Variants in TRIM9 observed in about 807,000 individuals in gnomAD.
TRIM9 encodes the protein tripartite motif containing 9.
A neutral mutation model predicts 78.3 loss-of-function variants in TRIM9; 26 were observed. That is an observed-to-expected ratio of 0.33 (90% CI 0.24 to 0.46). The LOEUF is 0.46. TRIM9 is among the 20% of genes least tolerant of loss of function. The pLI is 1.00. For synonymous variants in TRIM9, 398 were observed against 416.5 expected, an observed-to-expected ratio of 0.96 and a Z score of 0.54; for missense variants, 787 against 1,036.4, an observed-to-expected ratio of 0.76 and a Z score of 3.30.
At chr14:50,987,980 T>C (rs545314501) in intron 7 of TRIM9, among the ~76,000 whole-genome samples, 1 of 152,190 alleles carries the variant, frequency 6.6e-6, no homozygotes, top group East Asian at 1.9e-4. Context: ...TTTCTATTTT[T>C]TGTAGAAATG....
chr14:51,029,601 T>C (rs1017200288), intron 1 of TRIM9, among the ~76,000 whole-genome samples: 1 of 151,156 alleles, frequency 6.6e-6, no homozygotes, highest in Non-Finnish European at 1.5e-5. Context: ...CTCAGTACAT[T>C]GCTGACATAG....
intron 1 of TRIM9, among the ~76,000 whole-genome samples, chr14:51,033,562 G>T (rs866290499): frequency 5.3e-5 from 8 of 152,222 alleles, no homozygotes; most frequent in Non-Finnish European, 1.0e-4. Flanking sequence ...TTTGTCACAT[G>T]ACTTGCAGTG....
intron 5 of TRIM9, among the ~76,000 whole-genome samples, chr14:51,001,767 G>A (rs190336776): frequency 1.3e-5 from 2 of 152,148 alleles, no homozygotes; most frequent in East Asian, 1.9e-4. Flanking sequence ...CAAAACTTCC[G>A]AGGAACCTGA....
intron 3 of TRIM9, among the ~76,000 whole-genome samples, chr14:51,016,946 T>C (rs1486409449): frequency 6.6e-6 from 1 of 152,242 alleles, no homozygotes. Flanking sequence ...TTGTTCTCCA[T>C]GCGTCCTTTT....
At chr14:50,997,266 T>G in intron 7 of TRIM9, 1 of 985,394 alleles carries the variant, frequency 1.0e-6, no homozygotes, top group South Asian at 4.7e-5. Context: ...AATTCAAGCC[T>G]CTCATCTGAG....
chr14:51,083,196 T>G (rs2063464398), intron 1 of TRIM9, among the ~76,000 whole-genome samples: 1 of 152,210 alleles, frequency 6.6e-6, no homozygotes, highest in Non-Finnish European at 1.5e-5. Flanking sequence ...TTTCTAATAC[T>G]TTTTGAAATA....
intron 3 of TRIM9, among the ~76,000 whole-genome samples, chr14:51,019,360 C>G (rs1025311538): frequency 2.0e-5 from 3 of 152,234 alleles, no homozygotes; most frequent in African/African-American, 7.2e-5. Context: ...ATATTTGGCT[C>G]CCAGCATCTT....
intron 1 of TRIM9, among the ~76,000 whole-genome samples, chr14:51,075,877 T>C (rs976714283): frequency 3.3e-5 from 5 of 152,198 alleles, no homozygotes; most frequent in African/African-American, 1.2e-4. Flanking sequence ...GTGGGCTCTC[T>C]TGCCAGAGAA....
In TRIM9 at chr14:50,979,456, T is replaced by C; in HGVS notation, c.2256A>G (p.Gln752=). The part of the protein sequence containing the change: ...NLTFFINDEQ[Q]GPIAFDNVEG... ...CCACGTTATCAAATGCTATGGGACC[T>C]TGTTGTTCATCGTTGATAAAAAATG... Residue 752 remains glutamine, a synonymous_variant, in exon 12 of 13, where the codon CAA becomes CAG. Coordinates refer to ENST00000684578, the MANE Select transcript of TRIM9 (RefSeq NM_001387360.1). 6.2e-7 allele frequency: 1 copy of C among 1,614,220 alleles called. No individual in the cohort carries two copies. The highest frequency in any genetic ancestry group is 8.5e-7 in the Non-Finnish European group (1 of 1,180,028).
At chr14:51,031,892 C>G (rs2058758245) in intron 1 of TRIM9, among the ~76,000 whole-genome samples, 1 of 144,484 alleles carries the variant, frequency 6.9e-6, no homozygotes, top group African/African-American at 2.5e-5. Flanking sequence ...GCACATCTCT[C>G]ATATACTAAA....
chr14:50,978,842 C>T, intron 12 of TRIM9: 2 of 932,386 alleles, frequency 2.1e-6, no homozygotes, highest in Non-Finnish European at 2.6e-6. Flanking sequence ...TAGATATTTG[C>T]TGAATGAATA....
At chr14:51,076,315 A>C (rs1241021613) in intron 1 of TRIM9, among the ~76,000 whole-genome samples, 1 of 152,190 alleles carries the variant, frequency 6.6e-6, no homozygotes, top group African/African-American at 2.4e-5. Flanking sequence ...ACTCTAAGGG[A>C]CTGTCAACCC....
chr14:50,978,843 T>G (rs73288814), intron 12 of TRIM9: 223 of 937,580 alleles, frequency 2.4e-4, no homozygotes, highest in Non-Finnish European at 2.6e-4. Context: ...AGATATTTGC[T>G]GAATGAATAA....
intron 1 of TRIM9, among the ~76,000 whole-genome samples, chr14:51,082,583 A>T (rs2063401439): frequency 1.3e-5 from 2 of 152,248 alleles, no homozygotes; most frequent in South Asian, 4.1e-4. Flanking sequence ...AGAGTCAGAA[A>T]GTACACTACT....
intron 1 of TRIM9, among the ~76,000 whole-genome samples, chr14:51,078,231 G>A (rs2062979491): frequency 6.6e-6 from 1 of 152,150 alleles, no homozygotes; most frequent in Admixed American, 6.5e-5. Context: ...AGGACAGGAA[G>A]GAATGTAGTG....
At chr14:50,998,413 T>A (rs1460216904) in intron 6 of TRIM9, among the ~76,000 whole-genome samples, 1 of 152,194 alleles carries the variant, frequency 6.6e-6, no homozygotes, top group Non-Finnish European at 1.5e-5. Context: ...GAGGATTACT[T>A]AATGTTGTAT....
chr14:51,063,238 T>C (rs1397347351), intron 1 of TRIM9, among the ~76,000 whole-genome samples: 1 of 152,092 alleles, frequency 6.6e-6, no homozygotes, highest in African/African-American at 2.4e-5. Context: ...GGCTTAACAA[T>C]ATACTGGAGT....
intron 7 of TRIM9, among the ~76,000 whole-genome samples, chr14:50,990,748 G>A (rs1306084357): frequency 1.3e-5 from 2 of 152,182 alleles, no homozygotes; most frequent in Non-Finnish European, 2.9e-5. Flanking sequence ...GGTCCAATAA[G>A]ATGGTTGTAT....
At chr14:51,005,208 C>T (rs2055610572) in intron 5 of TRIM9, among the ~76,000 whole-genome samples, 1 of 152,158 alleles carries the variant, frequency 6.6e-6, no homozygotes, top group Non-Finnish European at 1.5e-5. Context: ...CCCGCTAACC[C>T]TCTGGCAGCT....
Sources: allele counts gnomAD v4.1 joint callset (sites outside exome capture counted in the v4.1 genomes callset), GRCh38; gene constraint gnomAD v4.1.1; transcripts MANE v1.5; gene names NCBI Gene and HGNC (gene_info 2026-07-23, HGNC 2026-07-21).